Variants in GAN observed in about 807,000 individuals in gnomAD.
The protein encoded by GAN is gigaxonin, also known as epididymis secretory sperm binding protein.
In GAN, 48 loss-of-function variants were observed where a neutral mutation model predicts 71.3. The observed-to-expected ratio is 0.67, with a 90% CI of 0.53 to 0.86. The LOEUF is 0.86. GAN is among the 40% of genes least tolerant of loss of function. The pLI is 0.00. For synonymous variants in GAN, 386 were observed against 276.8 expected, an observed-to-expected ratio of 1.39 and a Z score of -3.92; for missense variants, 928 against 770.1, an observed-to-expected ratio of 1.21 and a Z score of -2.43.
chr16:81,340,872 C>T (rs541952195), intron 1 of GAN, among the ~76,000 whole-genome samples: 3 of 151,988 alleles, frequency 2.0e-5, no homozygotes, highest in Admixed American at 6.6e-5. Context: ...TTTAACCCAT[C>T]GCAAGGAATC....
chr16:81,364,902 C>CA, intron 7 of GAN, 72 bp from the exon 8 acceptor site: 7 of 1,425,082 alleles, frequency 4.9e-6, no homozygotes, highest in Non-Finnish European at 6.9e-6. Flanking sequence ...ATGGCCCAGA[C>CA]AGTTTAATAT....
At chr16:81,358,495 G>C (rs1040825782) in intron 5 of GAN, among the ~76,000 whole-genome samples, 1 of 151,984 alleles carries the variant, frequency 6.6e-6, no homozygotes, top group African/African-American at 2.4e-5. Flanking sequence ...TGTGGTCCCA[G>C]CTACTTGGGA....
intron 1 of GAN, among the ~76,000 whole-genome samples, chr16:81,341,990 C>G (rs1367679416): frequency 6.6e-6 from 1 of 152,150 alleles, no homozygotes; most frequent in South Asian, 2.1e-4. Flanking sequence ...ATCCTTGTCT[C>G]TGATAAAACA....
intron 9 of GAN, among the ~76,000 whole-genome samples, chr16:81,371,301 A>G (rs796654305): frequency 6.6e-6 from 1 of 152,276 alleles, no homozygotes; most frequent in African/African-American, 2.4e-5. Flanking sequence ...AGTCATCTCA[A>G]GAGTTGGCGT....
intron 1 of GAN, among the ~76,000 whole-genome samples, chr16:81,343,788 C>T (rs1597396747): frequency 6.6e-6 from 1 of 152,080 alleles, no homozygotes; most frequent in Admixed American, 6.6e-5. Context: ...CAAGAGAAAG[C>T]AATAAAGCGT....
Position 81,389,727 on chromosome 16 carries a change from G to A in GAN, c.*12131G>A, listed in dbSNP as rs1037871490. On this transcript the variant is annotated 3_prime_UTR_variant, in exon 11 of 11. Transcript: ENST00000648994. ...TCCTGAAAACAAGATTTGTAAATTC[G>A]ATTTGACCCTCCCAAATTCAGGGCT... 3 of 152,142 alleles carry A rather than the reference G, an allele frequency of 2.0e-5. No homozygotes were observed. Among genetic ancestry groups the A allele is most frequent in the South Asian group, 2.1e-4 (1 of 4,822 alleles). 9.4% of individuals were successfully genotyped at this position (152,142 alleles called of 1,614,324 possible). A position where few individuals can be genotyped will look rare whatever the true frequency, so the allele number is the denominator to read the frequency against.
At chr16:81,367,786 C>T (rs1910909080) in intron 9 of GAN, among the ~76,000 whole-genome samples, 1 of 152,100 alleles carries the variant, frequency 6.6e-6, no homozygotes, top group Non-Finnish European at 1.5e-5. Context: ...AGCGGTGTGC[C>T]CACAGACACA....
In GAN at chr16:81,351,639, T is replaced by C; in HGVS notation, c.224T>C (p.Leu75Pro). The C allele has an allele frequency of 6.4e-7, 1 of 1,572,242 alleles. No individual in the cohort carries two copies. Among genetic ancestry groups the C allele is most frequent in the Non-Finnish European group, 8.8e-7 (1 of 1,141,772 alleles). The stretch of plus-strand genomic sequence containing the variant: ...GATGGATCAACTTATAAGATTGAAC[T>C]TGAAGGGATATCGGTAATGGTTATG... The part of the protein sequence containing the change: ...KDDGSTYKIE[L>P]EGISVMVMRE... Residue 75 changes from leucine to proline, a missense_variant, in exon 2 of 11, where the codon CTT becomes CCT. Transcript: ENST00000648994.
rs923863091 is a variant in GAN, at chr16:81,384,009, G to A, written c.*6413G>A. The A allele has an allele frequency of 6.6e-6, 1 of 152,050 alleles. No homozygotes were observed. Among genetic ancestry groups the A allele is most frequent in the African/African-American group, 2.4e-5 (1 of 41,388 alleles). The allele number at this position is 152,050 out of a possible 1,614,324, so 9.4% of individuals were successfully genotyped here. ...AATAAGGCATACCTTAGAAACTTGG[G>A]TTAAATTTTTTCAAGTTATACCAGT... On this transcript the variant is annotated 3_prime_UTR_variant, in exon 11 of 11. Transcript: ENST00000648994.
At chr16:81,320,715 A>G (rs949587932) in intron 1 of GAN, among the ~76,000 whole-genome samples, 1 of 152,194 alleles carries the variant, frequency 6.6e-6, no homozygotes, top group Non-Finnish European at 1.5e-5. Flanking sequence ...TCCTGAGCAC[A>G]CTTAAAATAA....
At chr16:81,355,551 C>T (rs1910458719) in intron 3 of GAN, among the ~76,000 whole-genome samples, 1 of 152,132 alleles carries the variant, frequency 6.6e-6, no homozygotes, top group African/African-American at 2.4e-5. Context: ...TTTGTAGAGA[C>T]AGGGTCTCGC....
chr16:81,341,111 A>G (rs899446113), intron 1 of GAN, among the ~76,000 whole-genome samples: 1 of 152,102 alleles, frequency 6.6e-6, no homozygotes, highest in Non-Finnish European at 1.5e-5. Context: ...GTGAAAAGAA[A>G]TGAAGAAAGC....
intron 9 of GAN, among the ~76,000 whole-genome samples, chr16:81,373,899 T>C (rs1904274636): frequency 6.6e-6 from 1 of 152,120 alleles, no homozygotes; most frequent in South Asian, 2.1e-4. Flanking sequence ...CGTGCCACCA[T>C]GCCCAGCTAA....
intron 9 of GAN, chr16:81,371,727 A>G (rs776094531): frequency 2.0e-5 from 3 of 152,188 alleles, no homozygotes; most frequent in Non-Finnish European, 4.4e-5. Context: ...GTAGCCAGAA[A>G]GATGGCCATA....
At position 81,371,333 on chromosome 16, in the gene GAN, G is replaced by T. The variant is rs144456986; in HGVS notation, c.1502+5855G>T. ...GCGTCTATTGATTGTTTGCTCCCTT[G>T]AGAAATGGGTTCTAATTTTTCTGGC... On this transcript the variant is annotated intron_variant, in intron 9 of 10. Transcript: ENST00000648994. Among the ~76,000 whole-genome samples the T allele has an allele frequency of 3.7e-3, 563 of 152,286 alleles. 2 individuals carry two copies. Among genetic ancestry groups the T allele is most frequent in the African/African-American group, 1.0e-2 (415 of 41,570 alleles).
rs376756051 is a variant in GAN at position 81,389,204 on chromosome 16, A to C, written c.*11608A>C. 4 of 152,342 alleles carry C rather than the reference A, an allele frequency of 2.6e-5. No individual in the cohort carries two copies. The highest frequency in any genetic ancestry group is 9.6e-5 in the African/African-American group (4 of 41,582). 9.4% of individuals were successfully genotyped at this position (152,342 alleles called of 1,614,324 possible). ...AAAGCACAGGCTGTTTATTAGCACA[A>C]CTTGCTTCATTAAATAATTCGTGGC... is the stretch of plus-strand genomic sequence containing the variant. On this transcript the variant is annotated 3_prime_UTR_variant, in exon 11 of 11. Coordinates refer to ENST00000648994, the MANE Select transcript of GAN (RefSeq NM_022041.4).
chr16:81,383,701 C>G lies in GAN; in HGVS notation c.*6105C>G, dbSNP rs1327023764. 2.0e-5 allele frequency: 3 copies of G among 151,908 alleles called. No individual in the cohort carries two copies. Among genetic ancestry groups the G allele is most frequent in the African/African-American group, 7.3e-5 (3 of 41,302 alleles). The allele number at this position is 151,908 out of a possible 1,614,324, so 9.4% of individuals were successfully genotyped here. A position where few individuals can be genotyped will look rare whatever the true frequency, so the allele number is the denominator to read the frequency against. ...CTTCTGTGCACACATTGAAAGAAAA[C>G]CAGAAATTGTACAGTCGTGATATGA... is the stretch of plus-strand genomic sequence containing the variant. On this transcript the variant is annotated 3_prime_UTR_variant, in exon 11 of 11. Transcript: ENST00000648994.
intron 9 of GAN, among the ~76,000 whole-genome samples, chr16:81,374,845 A>C (rs1567500142): frequency 1.3e-5 from 2 of 152,252 alleles, no homozygotes; most frequent in Non-Finnish European, 2.9e-5. Flanking sequence ...GATTTTCAAC[A>C]GAGGTGCCAA....
At chr16:81,326,190 G>T (rs1177092734) in intron 1 of GAN, among the ~76,000 whole-genome samples, 1 of 152,124 alleles carries the variant, frequency 6.6e-6, no homozygotes, top group Non-Finnish European at 1.5e-5. Flanking sequence ...AGGGCCAGGG[G>T]CACTCAGTCC....
Sources: gnomAD v4.1 joint callset for allele counts (sites outside exome capture counted in the v4.1 genomes callset) on GRCh38, gnomAD v4.1.1 for gene constraint, MANE v1.5 for transcripts, NCBI Gene and HGNC (gene_info 2026-07-23, HGNC 2026-07-21) for gene names.